Variants in PIEZO2 observed in about 807,000 individuals in gnomAD.
PIEZO2 encodes the protein piezo-type mechanosensitive ion channel component 2.
PIEZO2 carries 172 observed loss-of-function variants against 337.3 expected under a neutral mutation model. The observed-to-expected ratio is 0.51, with a 90% confidence interval of 0.45 to 0.58. The LOEUF is 0.58. Ranked by LOEUF, PIEZO2 falls within the 20% of genes least tolerant of loss-of-function variation. The pLI is 0.00. For synonymous variants in PIEZO2, 1,251 were observed against 1,228.5 expected, an observed-to-expected ratio of 1.02 and a Z score of -0.38; for missense variants, 3,028 against 3,391.3, an observed-to-expected ratio of 0.89 and a Z score of 2.66.
chr18:11,051,767 T>C (rs1031943106), intron 2 of PIEZO2, among the ~76,000 whole-genome samples: 9 of 152,250 alleles, frequency 5.9e-5, no homozygotes, highest in African/African-American at 2.2e-4. Flanking sequence ...AGGATGTTTC[T>C]GTAGTTCTTG....
rs540149069 is a variant in PIEZO2 at position 10,914,964 on chromosome 18, C to G, written c.287-3736G>C. ...TCCTGAATAAGTAAACCAGCCATCGCTCCTTTACGAATGAATCCAGCTCTG... is the reference window on the plus strand; with the variant it reads ...TCCTGAATAAGTAAACCAGCCATCGGTCCTTTACGAATGAATCCAGCTCTG... On this transcript the variant is annotated intron_variant, in intron 3 of 55. Transcript: ENST00000674853. Among the ~76,000 whole-genome samples the G allele has an allele frequency of 2.0e-5, 3 of 151,276 alleles. No homozygotes were observed. In the East Asian group the frequency reaches 5.8e-4, roughly 29 times the overall value.
At chr18:11,076,715 CATAT>C (rs2038560857) in intron 1 of PIEZO2, among the ~76,000 whole-genome samples, 1 of 152,052 alleles carries the variant, frequency 6.6e-6, no homozygotes. Flanking sequence ...AGTAACAGTA[CATAT>C]ATAATTTCAT....
At position 10,942,859 on chromosome 18, in the gene PIEZO2, C is replaced by T. The variant is rs561862563; in HGVS notation, c.287-31631G>A. ...TTTAGTAGGCCAGGCTCAGGGTCCC[C>T]GTGCTGTGTGCAGCCTAGGGAATTG... On this transcript the variant is annotated intron_variant, in intron 3 of 55. Transcript: ENST00000674853. This position sits in a 1 kb window ranked among gnomAD's most constrained non-coding sequence, Gnocchi z 4.4. Among the ~76,000 whole-genome samples the T allele has an allele frequency of 4.1e-4, 63 of 152,286 alleles. No homozygotes were observed. Among genetic ancestry groups the T allele is most frequent in the African/African-American group, 1.3e-3 (56 of 41,570 alleles).
chr18:10,942,543 C>T lies in PIEZO2; in HGVS notation c.287-31315G>A, dbSNP rs141153359. Among the ~76,000 whole-genome samples the T allele has an allele frequency of 2.0e-5, 3 of 151,962 alleles. No homozygotes were observed. The highest frequency in any genetic ancestry group is 2.1e-4 in the South Asian group (1 of 4,810). On this transcript the variant is annotated intron_variant, in intron 3 of 55. Transcript: ENST00000674853. This position sits in a 1 kb window ranked among gnomAD's most constrained non-coding sequence, Gnocchi z 4.4. ...GAGAGAGATGATTTAGGGTATCTGG[C>T]GGAAGAAATTTCTAAGCAACAAAGT...
At position 10,718,625 on chromosome 18, in the gene PIEZO2, C is replaced by A. The variant is rs560911677; in HGVS notation, c.5030-366G>T. ...AAATTATGTGAAATTAACAGTCATG[C>A]CCATTTGTCTGTATATTATCTATAG... On this transcript the variant is annotated intron_variant, in intron 36 of 55. Transcript: ENST00000674853. 1.1e-4 allele frequency among the ~76,000 whole-genome samples: 16 copies of A among 152,286 alleles called. No homozygotes were observed. The East Asian group carries it at 3.1e-3, about 29-fold the overall frequency.
At chr18:10,946,903 G>A (rs2033052022) in intron 3 of PIEZO2, among the ~76,000 whole-genome samples, 1 of 151,810 alleles carries the variant, frequency 6.6e-6, no homozygotes. Flanking sequence ...TAAATCAGAT[G>A]TTGGAATTAT....
At chr18:10,782,345 AATATAT>A (rs2039036875) in intron 17 of PIEZO2, among the ~76,000 whole-genome samples, 1 of 59,514 alleles carries the variant, frequency 1.7e-5, no homozygotes, top group Admixed American at 2.9e-4. Context: ...AAATAATTAT[AATATAT>A]TATAATTATA....
intron 1 of PIEZO2, among the ~76,000 whole-genome samples, chr18:11,138,625 T>C (rs1006900073): frequency 2.0e-5 from 3 of 152,140 alleles, no homozygotes; most frequent in Non-Finnish European, 4.4e-5. Context: ...CTGCTATCTG[T>C]ATATTGAGGA....
chr18:11,090,926 A>C (rs2039065457), intron 1 of PIEZO2, among the ~76,000 whole-genome samples: 1 of 151,942 alleles, frequency 6.6e-6, no homozygotes, highest in South Asian at 2.1e-4. Context: ...AAAAAAAAAA[A>C]AAAAAAGTAG....
At chr18:10,939,080 A>AAAAC (rs34168850) in intron 3 of PIEZO2, among the ~76,000 whole-genome samples, 10 of 73,942 alleles carry the variant, frequency 1.4e-4, no homozygotes, top group Admixed American at 1.1e-3. Context: ...AAAACAAAAC[A>AAAAC]AAAAAAAAAT....
At chr18:10,904,200 C>G (rs2043118942) in intron 4 of PIEZO2, among the ~76,000 whole-genome samples, 1 of 152,166 alleles carries the variant, frequency 6.6e-6, no homozygotes. Flanking sequence ...AAGACCTATT[C>G]TTCCCATCAT....
intron 27 of PIEZO2, among the ~76,000 whole-genome samples, chr18:10,755,472 A>G (rs116616994): frequency 0.013 from 1,982 of 152,244 alleles, 53 homozygotes; most frequent in African/African-American, 0.045. Flanking sequence ...GCTGAGTGGA[A>G]TGTTACAGGC....
Position 10,682,115 on chromosome 18 carries a change from C to G in PIEZO2, c.7675G>C (p.Gly2559Arg). ...TGCACAGAGATCACCTGATACCCTC[C>G]CAGGGTAATTGTGACGGAGACGTCC... is the stretch of plus-strand genomic sequence containing the variant. ...PLDVSVTITL[G>R]GYQPIFTMSA... The change falls in exon 50 of 56, where the codon GGA (glycine) becomes CGA (arginine). Residue 2559 changes from glycine to arginine, a missense_variant. Around this residue, in one of 5 missense-constraint regions of PIEZO2, gnomAD observed 332 missense variants for 363.8 expected, o/e 0.91. Transcript: ENST00000674853. The surrounding 1 kb of genome is among the most constrained non-coding windows in gnomAD (Gnocchi z 5.6). 6.5e-7 allele frequency: 1 copy of G among 1,536,198 alleles called. No homozygotes were observed. The highest frequency in any genetic ancestry group is 8.7e-7 in the Non-Finnish European group (1 of 1,146,356).
chr18:10,698,895 A>G (rs1242442480), intron 44 of PIEZO2, 30 bp downstream of exon 44: 1 of 1,534,454 alleles, frequency 6.5e-7, no homozygotes, highest in East Asian at 2.4e-5. Flanking sequence ...GGAGCTAACT[A>G]CAGCCTAGAT....
chr18:10,961,881 C>T (rs1014550293), intron 3 of PIEZO2, among the ~76,000 whole-genome samples: 2 of 151,924 alleles, frequency 1.3e-5, no homozygotes, highest in Non-Finnish European at 2.9e-5. Context: ...AAACAAATAA[C>T]AAAGAAATAG....
rs558420292 is a variant in PIEZO2 at position 11,110,678 on chromosome 18, G to T, written c.64+37847C>A. Among the ~76,000 whole-genome samples the T allele has an allele frequency of 6.6e-6, 1 of 152,300 alleles. No homozygotes were observed. The highest frequency in any genetic ancestry group is 6.5e-5 in the Admixed American group (1 of 15,296). ...TCAGTGGCCTCTGATGCGATGCCTC[G>T]TCATCCTTTCCGCCCCTCCCCGCCC... On this transcript the variant is annotated intron_variant, in intron 1 of 55. Coordinates refer to ENST00000674853, the MANE Select transcript of PIEZO2 (RefSeq NM_001378183.1). The surrounding 1 kb of genome is among the most constrained non-coding windows in gnomAD (Gnocchi z 4.2).
At position 10,715,697 on chromosome 18, in the gene PIEZO2, T is replaced by C. The variant is rs1037493936; in HGVS notation, c.5209A>G (p.Thr1737Ala). ...SISREHIDIS[T>A]VLRIERCMLT... The stretch of plus-strand genomic sequence containing the variant: ...ATGCATCGTTCAATTCTCAGAACTG[T>C]AGATATATCAATATGCTCCCTTGAA... Residue 1737 changes from threonine (T) to alanine (A), a missense_variant, in exon 38 of 56, where the codon ACA becomes GCA. Thr to Ala is a moderately conservative substitution (Grantham distance 58, BLOSUM62 0). Transcript: ENST00000674853. 6 of 1,536,802 alleles carry C rather than the reference T, an allele frequency of 3.9e-6. No homozygotes were observed. In the African/African-American group the frequency reaches 5.5e-5, roughly 14 times the overall value.
intron 2 of PIEZO2, among the ~76,000 whole-genome samples, chr18:11,043,960 A>G (rs1204599600): frequency 6.6e-6 from 1 of 152,110 alleles, no homozygotes; most frequent in African/African-American, 2.4e-5. Flanking sequence ...AGGTTGAGCC[A>G]CCGTGTCTGG....
chr18:10,966,403 C>T (rs1049853730), intron 3 of PIEZO2, among the ~76,000 whole-genome samples: 2 of 152,210 alleles, frequency 1.3e-5, no homozygotes, highest in African/African-American at 4.8e-5. Flanking sequence ...TGCTGCCAGT[C>T]TTCTCCACTG....
Sources: gnomAD v4.1 joint callset for allele counts (sites outside exome capture counted in the v4.1 genomes callset) on GRCh38, gnomAD v4.1.1 for gene constraint, gnomAD v4.1.1 regional missense constraint, Gnocchi (gnomAD v3.1) non-coding constraint, MANE v1.5 for transcripts, NCBI Gene and HGNC (gene_info 2026-07-23, HGNC 2026-07-21) for gene names.